The following RBMS3 variants were observed in gnomAD, a reference collection of about 807,000 sequenced individuals.
RBMS3 encodes the protein RNA binding motif single stranded interacting protein 3, also known as RNA-binding motif, single-stranded-interacting protein 3.
A neutral mutation model predicts 66.8 loss-of-function variants in RBMS3; 27 were observed. The observed-to-expected ratio is 0.40, with a 90% CI of 0.30 to 0.56. The LOEUF (loss-of-function observed/expected upper bound fraction) is 0.56. RBMS3 is among the 20% of genes least tolerant of loss of function. The pLI is 0.40. For missense variants in RBMS3, 513 were observed against 549.5 expected (o/e 0.93, Z 0.66); for synonymous variants, 188 against 183.0 (o/e 1.03, Z -0.22).
At chr3:29,768,600 C>T (rs1387613348) in intron 6 of RBMS3, among the ~76,000 whole-genome samples, 1 of 151,890 alleles carries the variant, frequency 6.6e-6, no homozygotes, top group African/African-American at 2.4e-5. Context: ...TTCACTTTTC[C>T]ACCTCAGGAC....
chr3:29,668,705 A>G (rs1003080858), intron 4 of RBMS3, among the ~76,000 whole-genome samples: 2 of 152,228 alleles, frequency 1.3e-5, no homozygotes, highest in Non-Finnish European at 2.9e-5. Flanking sequence ...AGATGTGAGG[A>G]CATATTTTTA....
intron 6 of RBMS3, among the ~76,000 whole-genome samples, chr3:29,793,969 G>A (rs1020131971): frequency 2.6e-5 from 4 of 152,038 alleles, no homozygotes; most frequent in African/African-American, 9.7e-5. Flanking sequence ...AAATCTGGTT[G>A]GTTAGAAGGC....
intron 2 of RBMS3, among the ~76,000 whole-genome samples, chr3:29,463,771 C>T (rs1011399612): frequency 2.6e-5 from 4 of 152,084 alleles, no homozygotes; most frequent in African/African-American, 7.2e-5. Context: ...ACACTACAGT[C>T]GACACTCCCT....
At chr3:29,926,098 C>G (rs1378773467) in intron 10 of RBMS3, among the ~76,000 whole-genome samples, 1 of 152,062 alleles carries the variant, frequency 6.6e-6, no homozygotes, top group Non-Finnish European at 1.5e-5. Flanking sequence ...TAAGTTTTAA[C>G]CTTAGAATAT....
intron 2 of RBMS3, 96 bp from the exon 3 acceptor site, chr3:29,488,345 A>G (rs1418548692): frequency 3.1e-6 from 3 of 976,856 alleles, no homozygotes; most frequent in South Asian, 1.5e-5. Flanking sequence ...TGGTTTATGC[A>G]TGCTCAGTTG....
intron 14 of RBMS3, among the ~76,000 whole-genome samples, chr3:29,997,584 T>G (rs1371368338): frequency 6.6e-6 from 1 of 151,028 alleles, no homozygotes; most frequent in Non-Finnish European, 1.5e-5. Context: ...TCAAGTGGGC[T>G]TCATCCCTGG....
intron 3 of RBMS3, among the ~76,000 whole-genome samples, chr3:29,508,258 T>G (rs2044262421): frequency 6.6e-6 from 1 of 152,184 alleles, no homozygotes; most frequent in Non-Finnish European, 1.5e-5. Context: ...ATGCACAGGT[T>G]TGTTACATAG....
chr3:29,487,888 T>C (rs2043381114), intron 2 of RBMS3, among the ~76,000 whole-genome samples: 1 of 152,190 alleles, frequency 6.6e-6, no homozygotes, highest in Non-Finnish European at 1.5e-5. Context: ...TGAACCATGA[T>C]AGTTTGGTGT....
At chr3:29,974,371 G>A (rs779874265) in intron 12 of RBMS3, among the ~76,000 whole-genome samples, 3 of 151,756 alleles carry the variant, frequency 2.0e-5, no homozygotes, top group Non-Finnish European at 2.9e-5. Flanking sequence ...GTATCCTTTT[G>A]AATGAATAAA....
intron 3 of RBMS3, among the ~76,000 whole-genome samples, chr3:29,571,605 G>C (rs781586709): frequency 3.0e-4 from 46 of 152,178 alleles, no homozygotes; most frequent in Non-Finnish European, 4.9e-4. Context: ...TTTGCTTGTA[G>C]ATTTTCTATT....
At chr3:29,787,697 G>A (rs1163444240) in intron 6 of RBMS3, among the ~76,000 whole-genome samples, 1 of 152,122 alleles carries the variant, frequency 6.6e-6, no homozygotes, top group African/African-American at 2.4e-5. Context: ...AAAAGGGTTG[G>A]TGGTGGCAAG....
chr3:29,911,977 TAATAGCTAGATAGATA>T (rs779046345), intron 10 of RBMS3, among the ~76,000 whole-genome samples: 7 of 148,348 alleles, frequency 4.7e-5, no homozygotes, highest in Non-Finnish European at 1.0e-4. Context: ...AACACATACA[TAATAGCTAGATAGATA>T]GATAGATAGA....
chr3:29,549,130 T>C (rs2149028629), intron 3 of RBMS3, among the ~76,000 whole-genome samples: 1 of 149,800 alleles, frequency 6.7e-6, no homozygotes, highest in East Asian at 2.0e-4. Flanking sequence ...ATCTTCCTTA[T>C]GGCTTACTTG....
At chr3:29,779,101 G>T (rs139436947) in intron 6 of RBMS3, among the ~76,000 whole-genome samples, 1 of 151,880 alleles carries the variant, frequency 6.6e-6, no homozygotes, top group South Asian at 2.1e-4. Flanking sequence ...CTAATTTTCA[G>T]AATGGAAATA....
intron 9 of RBMS3, 94 bp from the exon 10 acceptor site, chr3:29,899,610 TC>T: frequency 9.6e-7 from 1 of 1,044,832 alleles, no homozygotes. Flanking sequence ...TCAGGTGGAC[TC>T]CACTTTCTTA....
chr3:29,800,400 T>C (rs2057351786), intron 6 of RBMS3, among the ~76,000 whole-genome samples: 1 of 152,122 alleles, frequency 6.6e-6, no homozygotes, highest in Non-Finnish European at 1.5e-5. Flanking sequence ...TCTATAAATA[T>C]GTTATTGGAA....
chr3:29,299,854 A>G (rs1575495255), intron 1 of RBMS3, among the ~76,000 whole-genome samples: 2 of 152,038 alleles, frequency 1.3e-5, no homozygotes, highest in South Asian at 4.1e-4. Context: ...ACAAATCTTC[A>G]TATAGCAGAA....
At position 29,974,525 on chromosome 3, in the gene RBMS3, T is replaced by G. The variant is rs560741496; in HGVS notation, c.1099-13618T>G. Among the ~76,000 whole-genome samples, 4 of 151,932 alleles carry G rather than the reference T, an allele frequency of 2.6e-5. No homozygotes were observed. In the East Asian group the frequency reaches 7.7e-4, roughly 29 times the overall value. On this transcript the variant is annotated intron_variant, in intron 12 of 14. Transcript: ENST00000383767. ...AATAAATTTTACAAAGTGTAAACAT[T>G]CATGGATCCATCATCCACATCAACA...
At chr3:29,697,525 G>A (rs540019424) in intron 4 of RBMS3, among the ~76,000 whole-genome samples, 4 of 152,270 alleles carry the variant, frequency 2.6e-5, no homozygotes, top group Admixed American at 2.6e-4. Context: ...CTAATATTCT[G>A]CTTTTCAAAG....
Sources: allele counts gnomAD v4.1 joint callset (sites outside exome capture counted in the v4.1 genomes callset), GRCh38; gene constraint gnomAD v4.1.1; transcripts MANE v1.5; gene names NCBI Gene and HGNC (gene_info 2026-07-23, HGNC 2026-07-21).